SYNE2: variants seen among roughly 807,000 people sequenced by gnomAD.
SYNE2 encodes spectrin repeat containing nuclear envelope protein 2, also known as nesprin-2.
Under a neutral mutation model 856.3 loss-of-function variants are expected in SYNE2, and 431 were observed. The ratio of observed to expected loss-of-function variants is 0.50; its 90% CI spans 0.47 to 0.55. The LOEUF (loss-of-function observed/expected upper bound fraction) is 0.55, where lower values mean the gene tolerates loss of function less well. Ranked by LOEUF, SYNE2 falls within the 20% of genes least tolerant of loss-of-function variation. The probability of loss-of-function intolerance (pLI) is 0.00; values close to 1 mark genes in which losing one functional copy is unlikely to be tolerated. For missense variants in SYNE2, 8,129 were observed against 8,023.2 expected (o/e 1.01, Z -0.50); for synonymous variants, 2,923 against 2,872.3 (o/e 1.02, Z -0.56).
chr14:63,783,272 G>A (rs1437093209), intron 1 of SYNE2, among the ~76,000 whole-genome samples: 1 of 152,138 alleles, frequency 6.6e-6, no homozygotes, highest in Non-Finnish European at 1.5e-5. Context: ...AGGGTATCTT[G>A]CTTTCCCTTT....
At chr14:64,007,920 A>C (rs764601475) in intron 31 of SYNE2, among the ~76,000 whole-genome samples, 21 of 152,142 alleles carry the variant, frequency 1.4e-4, no homozygotes, top group African/African-American at 4.8e-4. Flanking sequence ...TGAGGTGGGA[A>C]CATCACTTGA....
intron 99 of SYNE2, among the ~76,000 whole-genome samples, chr14:64,200,161 G>T (rs1351680701): frequency 6.6e-6 from 1 of 152,164 alleles, no homozygotes; most frequent in Non-Finnish European, 1.5e-5. Flanking sequence ...CAAGGAAAAA[G>T]AAAAATATAT....
At chr14:63,772,455 A>T (rs1886953883) in intron 1 of SYNE2, among the ~76,000 whole-genome samples, 1 of 152,104 alleles carries the variant, frequency 6.6e-6, no homozygotes, top group Admixed American at 6.6e-5. Context: ...AAGAAATCTA[A>T]GCTATAGGTC....
intron 71 of SYNE2, 119 bp from the exon 72 acceptor site, chr14:64,126,208 C>T: frequency 1.2e-6 from 1 of 869,130 alleles, no homozygotes; most frequent in Non-Finnish European, 1.9e-6. Context: ...GCGTTTGAAG[C>T]AACTTATTAC....
At chr14:63,872,098 C>T (rs2140402299) in intron 1 of SYNE2, among the ~76,000 whole-genome samples, 1 of 152,148 alleles carries the variant, frequency 6.6e-6, no homozygotes, top group African/African-American at 2.4e-5. Context: ...TTGTACCAGC[C>T]TAATATTAGT....
At chr14:63,943,794 C>T (rs2095967962) in intron 6 of SYNE2, among the ~76,000 whole-genome samples, 1 of 151,902 alleles carries the variant, frequency 6.6e-6, no homozygotes, top group Admixed American at 6.6e-5. Context: ...CCTCAGCCTC[C>T]TGAGTAGCTG....
At chr14:64,010,555 C>T (rs1234261946) in intron 32 of SYNE2, among the ~76,000 whole-genome samples, 2 of 152,136 alleles carry the variant, frequency 1.3e-5, no homozygotes, top group African/African-American at 4.8e-5. Context: ...TACCACTTTG[C>T]TCCATCTATG....
At chr14:63,813,567 G>C (rs934143599) in intron 1 of SYNE2, among the ~76,000 whole-genome samples, 1 of 151,584 alleles carries the variant, frequency 6.6e-6, no homozygotes, top group Non-Finnish European at 1.5e-5. Context: ...GGCCCAGGGG[G>C]GTGGATCACG....
chr14:64,031,493 A>G (rs2097034400), intron 45 of SYNE2, 136 bp downstream of exon 45: 3 of 800,672 alleles, frequency 3.7e-6, no homozygotes, highest in South Asian at 3.2e-5. Flanking sequence ...TATGAAGCCT[A>G]CTTGTAAAAA....
intron 111 of SYNE2, 97 bp from the exon 112 acceptor site, chr14:64,221,479 A>AT: frequency 6.2e-7 from 1 of 1,611,524 alleles, no homozygotes; most frequent in East Asian, 2.2e-5. Flanking sequence ...AGAAAAGCAA[A>AT]TGACTGTGAT....
chr14:64,211,100 G>GCCT (rs1205987630), intron 103 of SYNE2, among the ~76,000 whole-genome samples: 5 of 152,082 alleles, frequency 3.3e-5, no homozygotes, highest in Admixed American at 1.3e-4. Flanking sequence ...TCCTGCCTCA[G>GCCT]CCTCCTGAGT....
At chr14:63,873,376 A>G (rs2094633866) in intron 1 of SYNE2, 1 of 152,082 alleles carries the variant, frequency 6.6e-6, no homozygotes, top group Non-Finnish European at 1.5e-5. Context: ...AGTACTCTAA[A>G]GTGTGAGTAC....
chr14:63,784,551 G>T (rs994412753), intron 1 of SYNE2, among the ~76,000 whole-genome samples: 1 of 151,884 alleles, frequency 6.6e-6, no homozygotes, highest in Non-Finnish European at 1.5e-5. Context: ...TGTAGAGATG[G>T]GTCTCTCTAT....
chr14:63,811,500 T>C (rs1888615055), intron 1 of SYNE2, among the ~76,000 whole-genome samples: 1 of 152,138 alleles, frequency 6.6e-6, no homozygotes, highest in African/African-American at 2.4e-5. Flanking sequence ...TAGGCTCAAG[T>C]AATCCTCCAG....
chr14:64,217,032 C>T (rs185497711), intron 108 of SYNE2, among the ~76,000 whole-genome samples: 1 of 152,196 alleles, frequency 6.6e-6, no homozygotes, highest in African/African-American at 2.4e-5. Context: ...AACCTTCAAG[C>T]CTTTGTTATG....
At chr14:63,896,803 A>G (rs899641723) in intron 1 of SYNE2, among the ~76,000 whole-genome samples, 2 of 152,244 alleles carry the variant, frequency 1.3e-5, no homozygotes, top group South Asian at 2.1e-4. Flanking sequence ...TTAAACATTG[A>G]TAATGGACTC....
chr14:63,858,472 A>G (rs10133131), intron 1 of SYNE2, among the ~76,000 whole-genome samples: 1,684 of 151,304 alleles, frequency 0.011, 28 homozygotes, highest in African/African-American at 0.038. Context: ...GCTGGAGTGC[A>G]GTGGCTTGAT....
At chr14:63,816,685 G>A (rs1889007478) in intron 1 of SYNE2, among the ~76,000 whole-genome samples, 1 of 149,486 alleles carries the variant, frequency 6.7e-6, no homozygotes. Flanking sequence ...AGAAAAGTCT[G>A]AACAAACAGG....
chr14:63,811,771 C>G (rs1196747912), intron 1 of SYNE2, among the ~76,000 whole-genome samples: 1 of 152,042 alleles, frequency 6.6e-6, no homozygotes, highest in East Asian at 1.9e-4. Context: ...ATAATGCCCC[C>G]CTGAGCCACA....
Sources: allele counts gnomAD v4.1 joint callset (sites outside exome capture counted in the v4.1 genomes callset), GRCh38; gene constraint gnomAD v4.1.1; transcripts MANE v1.5; gene names NCBI Gene and HGNC (gene_info 2026-07-23, HGNC 2026-07-21).